Variants in SMPD3 observed in about 807,000 individuals in gnomAD.
SMPD3 encodes nSMase-2.
SMPD3 carries 21 observed loss-of-function variants against 55.7 expected under a neutral mutation model. That is an observed-to-expected ratio of 0.38 (90% confidence interval 0.27 to 0.54). The LOEUF is 0.54. Ranked by LOEUF, SMPD3 falls within the 20% of genes least tolerant of loss-of-function variation. The probability of loss-of-function intolerance (pLI) is 0.80; values close to 1 mark genes in which losing one functional copy is unlikely to be tolerated. For missense variants in SMPD3, 842 were observed against 899.6 expected (o/e 0.94, Z 0.82); for synonymous variants, 457 against 404.3 (o/e 1.13, Z -1.56).
intron 1 of SMPD3, among the ~76,000 whole-genome samples, chr16:68,391,031 A>G (rs1041085678): frequency 2.0e-5 from 3 of 152,256 alleles, no homozygotes; most frequent in Admixed American, 6.5e-5. Flanking sequence ...AGATTAGGAC[A>G]TAAGCTAATG....
At chr16:68,444,535 G>A (rs1416586018) in intron 1 of SMPD3, among the ~76,000 whole-genome samples, 6 of 151,728 alleles carry the variant, frequency 4.0e-5, no homozygotes, top group Non-Finnish European at 7.4e-5. Context: ...TTTTTTTTGA[G>A]CCCAAAAAGA....
At chr16:68,403,020 G>A (rs2090224925) in intron 1 of SMPD3, among the ~76,000 whole-genome samples, 3 of 152,218 alleles carry the variant, frequency 2.0e-5, no homozygotes, top group Non-Finnish European at 4.4e-5. Context: ...TCAGGGTGCA[G>A]CACAGAGTGT....
intron 1 of SMPD3, among the ~76,000 whole-genome samples, chr16:68,426,632 G>A (rs928264735): frequency 6.6e-6 from 1 of 152,204 alleles, no homozygotes; most frequent in African/African-American, 2.4e-5. Context: ...TCAATATGGT[G>A]TGGAAATAGC....
intron 2 of SMPD3, among the ~76,000 whole-genome samples, chr16:68,378,556 C>T (rs1463938209): frequency 1.3e-5 from 2 of 152,138 alleles, no homozygotes; most frequent in African/African-American, 4.8e-5. Flanking sequence ...GCAGTCCTCC[C>T]TGACCTGCAC....
intron 1 of SMPD3, among the ~76,000 whole-genome samples, chr16:68,407,466 A>G (rs1374557102): frequency 6.6e-6 from 1 of 152,144 alleles, no homozygotes; most frequent in Admixed American, 6.5e-5. Context: ...TTCAACTTTA[A>G]TGTTTGACTT....
intron 3 of SMPD3, chr16:68,370,057 A>G (rs1242963528): frequency 6.6e-6 from 1 of 152,270 alleles, no homozygotes; most frequent in African/African-American, 2.4e-5. Flanking sequence ...CCACTGGCCA[A>G]ATGACACTTC....
rs1484282423 is a variant in SMPD3 at position 68,404,229 on chromosome 16, G to A, written c.-268-17570C>T. On this transcript the variant is annotated intron_variant, in intron 1 of 8. Coordinates refer to ENST00000219334, the MANE Select transcript of SMPD3 (RefSeq NM_018667.4). The surrounding 1 kb of genome is among the most constrained non-coding windows in gnomAD (Gnocchi z 4.0). ...GATGGAGTTTCGCTCTTGTTGCCCA[G>A]GCTGGACATTACAGGCATGTGCTAC... Among the ~76,000 whole-genome samples, 1 of 149,636 alleles carries A rather than the reference G, an allele frequency of 6.7e-6. No homozygotes were observed. Among genetic ancestry groups the A allele is most frequent in the East Asian group, 2.0e-4 (1 of 5,108 alleles).
chr16:68,374,589 C>T (rs1055166698), intron 2 of SMPD3, among the ~76,000 whole-genome samples: 1 of 152,096 alleles, frequency 6.6e-6, no homozygotes, highest in African/African-American at 2.4e-5. Context: ...AGGTCCACCC[C>T]CGCCTGCCAT....
At chr16:68,438,840 G>C (rs1303192418) in intron 1 of SMPD3, among the ~76,000 whole-genome samples, 2 of 152,152 alleles carry the variant, frequency 1.3e-5, no homozygotes, top group Non-Finnish European at 2.9e-5. Context: ...TCTTGAACCA[G>C]AGAAGCAGTG....
intron 1 of SMPD3, among the ~76,000 whole-genome samples, chr16:68,405,062 C>T (rs2090242202): frequency 6.6e-6 from 1 of 152,148 alleles, no homozygotes; most frequent in African/African-American, 2.4e-5. Context: ...TGGCATCTGC[C>T]CTCTAGGACC....
chr16:68,387,360 C>A (rs1177066511), intron 1 of SMPD3, among the ~76,000 whole-genome samples: 1 of 152,102 alleles, frequency 6.6e-6, no homozygotes, highest in Admixed American at 6.5e-5. Context: ...CCTTTGGACA[C>A]GATGTCACTG....
intron 1 of SMPD3, among the ~76,000 whole-genome samples, chr16:68,394,083 T>G (rs1203741353): frequency 6.6e-6 from 1 of 152,214 alleles, no homozygotes; most frequent in Non-Finnish European, 1.5e-5. Flanking sequence ...TCCCACAGAG[T>G]TGAATTTGAA....
intron 1 of SMPD3, among the ~76,000 whole-genome samples, chr16:68,405,369 G>A (rs2090245122): frequency 6.6e-6 from 1 of 151,764 alleles, no homozygotes; most frequent in African/African-American, 2.4e-5. Context: ...TGGGCAACAT[G>A]GCAAAACCCC....
intron 2 of SMPD3, among the ~76,000 whole-genome samples, chr16:68,382,873 G>A (rs1199835384): frequency 6.6e-6 from 1 of 152,202 alleles, no homozygotes; most frequent in Non-Finnish European, 1.5e-5. Flanking sequence ...ATGGAGTCTC[G>A]CTCTGTCGCC....
intron 1 of SMPD3, among the ~76,000 whole-genome samples, chr16:68,427,205 G>A (rs918643209): frequency 9.9e-5 from 15 of 151,964 alleles, no homozygotes; most frequent in Middle Eastern, 6.3e-3. Context: ...GTTTCACCAC[G>A]TTGGCCAGGC....
intron 2 of SMPD3, among the ~76,000 whole-genome samples, chr16:68,377,290 G>C (rs1277021520): frequency 1.3e-5 from 2 of 152,196 alleles, no homozygotes; most frequent in Non-Finnish European, 2.9e-5. Flanking sequence ...GACTTTGGGA[G>C]CCCAGAAAAC....
chr16:68,411,223 C>T (rs1036319122), intron 1 of SMPD3, among the ~76,000 whole-genome samples: 4 of 152,238 alleles, frequency 2.6e-5, no homozygotes, highest in Non-Finnish European at 5.9e-5. Context: ...GGCCTGTTCT[C>T]CTGCCAGGAC....
chr16:68,423,067 T>C (rs2090408372), intron 1 of SMPD3, among the ~76,000 whole-genome samples: 1 of 152,194 alleles, frequency 6.6e-6, no homozygotes, highest in Non-Finnish European at 1.5e-5. Flanking sequence ...AGACAGGCAC[T>C]GGTATTACCT....
chr16:68,433,183 G>A (rs954428365), intron 1 of SMPD3, among the ~76,000 whole-genome samples: 3 of 152,182 alleles, frequency 2.0e-5, no homozygotes, highest in Non-Finnish European at 2.9e-5. Flanking sequence ...ATTTTTGGAT[G>A]GCATAGAGTA....
Sources: allele counts gnomAD v4.1 joint callset (sites outside exome capture counted in the v4.1 genomes callset), GRCh38; gene constraint gnomAD v4.1.1; non-coding constraint Gnocchi (gnomAD v3.1); transcripts MANE v1.5; gene names NCBI Gene and HGNC (gene_info 2026-07-23, HGNC 2026-07-21).